The following ADGRL3 variants were observed in gnomAD, a reference collection of about 807,000 sequenced individuals.
ADGRL3 encodes adhesion G protein-coupled receptor L3.
Under a neutral mutation model 153.5 loss-of-function variants are expected in ADGRL3, and 62 were observed. That is an observed-to-expected ratio of 0.40 (90% CI 0.33 to 0.50). The LOEUF (loss-of-function observed/expected upper bound fraction) is 0.50, where lower values mean the gene tolerates loss of function less well. Among genes scored for constraint, ADGRL3 ranks in the 20% least tolerant of loss-of-function variants. The probability of loss-of-function intolerance (pLI) is 0.47; values close to 1 mark genes in which losing one functional copy is unlikely to be tolerated. For missense variants in ADGRL3, 1,641 were observed against 1,859.4 expected (o/e 0.88, Z 2.16); for synonymous variants, 710 against 672.5 (o/e 1.06, Z -0.86).
intron 5 of ADGRL3, among the ~76,000 whole-genome samples, chr4:61,603,622 C>T (rs2099020861): frequency 6.6e-6 from 1 of 152,154 alleles, no homozygotes; most frequent in Non-Finnish European, 1.5e-5. Flanking sequence ...GAATACAGCA[C>T]TTATATCTCA....
At chr4:61,777,818 A>G (rs1206594737) in intron 8 of ADGRL3, among the ~76,000 whole-genome samples, 4 of 152,194 alleles carry the variant, frequency 2.6e-5, no homozygotes, top group Non-Finnish European at 2.9e-5. Flanking sequence ...AGTTTTGAGT[A>G]TCGCTAGGGG....
At chr4:61,380,284 T>C (rs2096652084) in intron 1 of ADGRL3, among the ~76,000 whole-genome samples, 1 of 152,000 alleles carries the variant, frequency 6.6e-6, no homozygotes, top group South Asian at 2.1e-4. Flanking sequence ...AGGTTAGCTC[T>C]GTGAGTGCTA....
chr4:61,704,728 C>T (rs746340622), intron 6 of ADGRL3, among the ~76,000 whole-genome samples: 2 of 152,212 alleles, frequency 1.3e-5, no homozygotes, highest in African/African-American at 2.4e-5. Context: ...AGTCCACCCT[C>T]TCAAATCCCG....
intron 12 of ADGRL3, among the ~76,000 whole-genome samples, chr4:61,910,967 TA>T (rs1488415071): frequency 6.6e-6 from 1 of 151,846 alleles, no homozygotes; most frequent in African/African-American, 2.4e-5. Context: ...TTATTATTAT[TA>T]TTATTTTTCA....
At chr4:61,765,434 A>G (rs1032785892) in intron 8 of ADGRL3, among the ~76,000 whole-genome samples, 2 of 152,136 alleles carry the variant, frequency 1.3e-5, no homozygotes, top group African/African-American at 2.4e-5. Context: ...GTCCTTTTTA[A>G]GTTGGTGGCT....
chr4:61,909,786 T>TGTGC (rs1292055154), intron 12 of ADGRL3, 41 bp downstream of exon 12: 2 of 1,383,738 alleles, frequency 1.4e-6, no homozygotes, highest in African/African-American at 2.9e-5. Flanking sequence ...TGTGTGTGTG[T>TGTGC]GTGTGTGTGT....
At chr4:61,354,754 T>G (rs558288581) in intron 1 of ADGRL3, among the ~76,000 whole-genome samples, 1 of 152,232 alleles carries the variant, frequency 6.6e-6, no homozygotes, top group South Asian at 2.1e-4. Flanking sequence ...TAGCATGATT[T>G]ATTAGTAATT....
intron 5 of ADGRL3, among the ~76,000 whole-genome samples, chr4:61,673,761 GAA>G (rs1462233145): frequency 1.3e-5 from 2 of 150,924 alleles, no homozygotes; most frequent in East Asian, 3.9e-4. Context: ...TCCAGAGATT[GAA>G]TCTACCTTTT....
chr4:61,919,230 AT>A (rs1448262344), intron 13 of ADGRL3, among the ~76,000 whole-genome samples: 1 of 152,184 alleles, frequency 6.6e-6, no homozygotes. Context: ...CTTTCAAGAG[AT>A]TTCGATGTTT....
At chr4:61,319,499 C>T (rs955546013) in intron 1 of ADGRL3, among the ~76,000 whole-genome samples, 5 of 152,066 alleles carry the variant, frequency 3.3e-5, no homozygotes, top group African/African-American at 1.2e-4. Flanking sequence ...TTGTGTTAGT[C>T]TAGAATTCCC....
chr4:61,544,383 T>A (rs2098704168), intron 4 of ADGRL3, among the ~76,000 whole-genome samples: 1 of 152,200 alleles, frequency 6.6e-6, no homozygotes, highest in African/African-American at 2.4e-5. Context: ...TTCTATAAAT[T>A]TATTCTTTAT....
intron 17 of ADGRL3, among the ~76,000 whole-genome samples, chr4:61,970,696 C>A (rs755862539): frequency 9.9e-5 from 15 of 152,156 alleles, no homozygotes; most frequent in Non-Finnish European, 2.2e-4. Context: ...CAATTTGATA[C>A]AAACTTGAAT....
intron 17 of ADGRL3, among the ~76,000 whole-genome samples, chr4:61,956,123 C>A (rs185155416): frequency 1.3e-3 from 202 of 152,306 alleles, no homozygotes; most frequent in African/African-American, 4.7e-3. Flanking sequence ...TTGTCTTCCA[C>A]AATGGCTGAA....
intron 1 of ADGRL3, among the ~76,000 whole-genome samples, chr4:61,263,910 A>G (rs1427068252): frequency 6.6e-6 from 1 of 150,416 alleles, no homozygotes; most frequent in Admixed American, 6.6e-5. Flanking sequence ...TTTTTTTTTC[A>G]TTTCGTTCCA....
chr4:61,668,361 A>C (rs767291440), intron 5 of ADGRL3, among the ~76,000 whole-genome samples: 2 of 152,238 alleles, frequency 1.3e-5, no homozygotes, highest in African/African-American at 4.8e-5. Flanking sequence ...GGTTTTAGCA[A>C]GATTTATTTT....
intron 25 of ADGRL3, among the ~76,000 whole-genome samples, chr4:62,050,212 T>A (rs893882774): frequency 6.6e-6 from 1 of 152,116 alleles, no homozygotes; most frequent in African/African-American, 2.4e-5. Flanking sequence ...AGAAATTAAA[T>A]GCACATTGCA....
intron 19 of ADGRL3, among the ~76,000 whole-genome samples, chr4:61,990,071 T>A (rs2099098471): frequency 6.6e-6 from 1 of 151,974 alleles, no homozygotes; most frequent in African/African-American, 2.4e-5. Context: ...AAAACTAAGG[T>A]CCATGTTAAA....
chr4:62,037,035 A>G (rs1248399778), intron 23 of ADGRL3, among the ~76,000 whole-genome samples: 2 of 152,140 alleles, frequency 1.3e-5, no homozygotes, highest in Non-Finnish European at 2.9e-5. Flanking sequence ...TTAATCAAGA[A>G]TGCTATAAAG....
intron 13 of ADGRL3, among the ~76,000 whole-genome samples, chr4:61,916,832 A>C (rs1325046258): frequency 6.6e-6 from 1 of 152,126 alleles, no homozygotes; most frequent in Non-Finnish European, 1.5e-5. Context: ...ACATGCCTGT[A>C]ATCCCAGCTA....
Sources: gnomAD v4.1 joint callset for allele counts (sites outside exome capture counted in the v4.1 genomes callset) on GRCh38, gnomAD v4.1.1 for gene constraint, MANE v1.5 for transcripts, NCBI Gene and HGNC (gene_info 2026-07-23, HGNC 2026-07-21) for gene names.